Variants in ADGRD1 observed in about 807,000 individuals in gnomAD.
ADGRD1 encodes G-protein coupled receptor 133.
In ADGRD1, 77 loss-of-function variants were observed where a neutral mutation model predicts 113.4. The observed-to-expected ratio is 0.68, with a 90% CI of 0.57 to 0.82. ADGRD1 has a LOEUF of 0.82. Ranked by LOEUF, ADGRD1 falls within the 40% of genes least tolerant of loss-of-function variation. The probability of loss-of-function intolerance (pLI) is 0.00; values close to 1 mark genes in which losing one functional copy is unlikely to be tolerated. For missense variants in ADGRD1, 1,036 were observed against 1,139.1 expected, an observed-to-expected ratio of 0.91 and a Z score of 1.30; for synonymous variants, 474 against 475.0, an observed-to-expected ratio of 1.00 and a Z score of 0.03.
chr12:130,956,364 T>G (rs1360538080), intron 2 of ADGRD1: 1 of 152,250 alleles, frequency 6.6e-6, no homozygotes. Context: ...TTCGTCCACA[T>G]GCATAGGGAG....
Position 131,003,207 on chromosome 12 carries a change from T to G in ADGRD1, c.1049T>G (p.Leu350Arg). 2.5e-6 allele frequency: 4 copies of G among 1,613,914 alleles called. No individual in the cohort carries two copies. Among genetic ancestry groups the G allele is most frequent in the Non-Finnish European group, 3.4e-6 (4 of 1,179,868 alleles). ...CAGGACAGCGCCGTGGTACTGAGTCTCATCGACACTATTGACACCGTCATG... is the reference window on the plus strand; with the variant it reads ...CAGGACAGCGCCGTGGTACTGAGTCGCATCGACACTATTGACACCGTCATG... ...LSEDSAVVLS[L>R]IDTIDTVMGH... is the part of the protein sequence containing the mutation. Residue 350 changes from leucine to arginine, a missense_variant, in exon 10 of 25, where the codon CTC becomes CGC. By Grantham distance (102) the Leu-to-Arg change is moderately radical (BLOSUM62 -2). Transcript: ENST00000261654. This position sits in a 1 kb window ranked among gnomAD's most constrained non-coding sequence, Gnocchi z 4.8.
At chr12:131,069,904 T>C (rs1885019026) in intron 13 of ADGRD1, 1 of 152,222 alleles carries the variant, frequency 6.6e-6, no homozygotes, top group African/African-American at 2.4e-5. Flanking sequence ...TATTATTGCA[T>C]GTATGAAAGA....
At chr12:131,025,195 T>G (rs1879808060) in intron 13 of ADGRD1, among the ~76,000 whole-genome samples, 1 of 152,248 alleles carries the variant, frequency 6.6e-6, no homozygotes, top group South Asian at 2.1e-4. Flanking sequence ...TAAGGAATCC[T>G]GTCTTGAAGA....
chr12:131,118,225 T>C (rs1054518074), intron 18 of ADGRD1, among the ~76,000 whole-genome samples, 160 bp from the exon 19 acceptor site: 2 of 152,072 alleles, frequency 1.3e-5, no homozygotes, highest in African/African-American at 4.8e-5. Flanking sequence ...TCTTTGAGGA[T>C]AGGGGCTGTT....
At chr12:130,975,920 G>A (rs1872251040) in intron 4 of ADGRD1, among the ~76,000 whole-genome samples, 1 of 152,104 alleles carries the variant, frequency 6.6e-6, no homozygotes, top group Non-Finnish European at 1.5e-5. Context: ...CAGCCTCCCC[G>A]ATTAGCCCCT....
At chr12:131,046,203 C>CCCTGGTCAGTGTCCTCCCTGGTCAATGCT (rs1882720729) in intron 13 of ADGRD1, among the ~76,000 whole-genome samples, 1 of 8,554 alleles carries the variant, frequency 1.2e-4, no homozygotes, top group Non-Finnish European at 3.7e-4. Context: ...GGTCAGTGCT[C>CCCTGGTCAGTGTCCTCCCTGGTCAATGCT]CCTCCCTGGT....
intron 13 of ADGRD1, among the ~76,000 whole-genome samples, chr12:131,055,644 T>C (rs1883800638): frequency 1.3e-5 from 2 of 152,230 alleles, no homozygotes; most frequent in African/African-American, 2.4e-5. Context: ...GCTCCAGGCC[T>C]GGGAAAACCT....
intron 9 of ADGRD1, chr12:131,002,644 C>T (rs1876533386): frequency 8.9e-7 from 1 of 1,125,350 alleles, no homozygotes; most frequent in African/African-American, 1.7e-5. Context: ...ATCCTCTGCT[C>T]TGGAACTCAG....
At chr12:131,034,330 C>T (rs11061291) in intron 13 of ADGRD1, among the ~76,000 whole-genome samples, 51,746 of 152,144 alleles carry the variant, frequency 0.34, 10,722 homozygotes, top group South Asian at 0.52. Flanking sequence ...GCTCTTCCCC[C>T]GGGTCCCCGC....
intron 14 of ADGRD1, among the ~76,000 whole-genome samples, chr12:131,077,241 G>C (rs1292528254): frequency 6.6e-6 from 1 of 152,204 alleles, no homozygotes; most frequent in South Asian, 2.1e-4. Context: ...GCTGAGGAAG[G>C]GGGTTGGGGG....
chr12:131,074,227 T>A (rs1210106342), intron 13 of ADGRD1, among the ~76,000 whole-genome samples: 1 of 152,036 alleles, frequency 6.6e-6, no homozygotes, highest in Admixed American at 6.6e-5. Context: ...TCTCAGATCC[T>A]GTGGGAGATA....
chr12:130,979,072 G>C (rs924419102), intron 4 of ADGRD1, among the ~76,000 whole-genome samples: 2 of 152,326 alleles, frequency 1.3e-5, no homozygotes, highest in African/African-American at 4.8e-5. Context: ...AGGTGGGTGT[G>C]GGTGGTGCCA....
At chr12:130,989,562 A>C (rs1030157749) in intron 6 of ADGRD1, 1 of 152,164 alleles carries the variant, frequency 6.6e-6, no homozygotes, top group Non-Finnish European at 1.5e-5. Flanking sequence ...CTGGAACTGA[A>C]ATCCAGTCTG....
intron 2 of ADGRD1, among the ~76,000 whole-genome samples, chr12:130,958,547 A>G (rs1224249977): frequency 6.6e-6 from 1 of 151,884 alleles, no homozygotes; most frequent in Non-Finnish European, 1.5e-5. Flanking sequence ...GGCTCTGCTC[A>G]CCTCGTTTCC....
intron 20 of ADGRD1, among the ~76,000 whole-genome samples, chr12:131,130,845 C>T (rs989783678): frequency 1.3e-5 from 2 of 152,184 alleles, no homozygotes; most frequent in African/African-American, 4.8e-5. Context: ...GCTCTGGCCG[C>T]GCCCAGGCTG....
intron 15 of ADGRD1, among the ~76,000 whole-genome samples, chr12:131,089,566 G>GGGTGCTCACTTCCTGGT (rs1245334335): frequency 1.2e-4 from 18 of 151,514 alleles, no homozygotes; most frequent in Non-Finnish European, 2.4e-4. Context: ...CCCTGCCAGT[G>GGGTGCTCACTTCCTGGT]GGTGCTCACT....
chr12:131,081,825 A>G (rs1478545497), intron 14 of ADGRD1, among the ~76,000 whole-genome samples: 25 of 152,148 alleles, frequency 1.6e-4, no homozygotes, highest in Non-Finnish European at 4.4e-5. Context: ...TCCACTGGCA[A>G]TAGATTCAGT....
rs1566148193 is a variant in ADGRD1, at chr12:131,139,308, C to CG, written c.*45_*46insG. 7.6e-7 allele frequency: 1 copy of CG among 1,313,192 alleles called. No homozygotes were observed. 81.3% of individuals were successfully genotyped at this position (1,313,192 alleles called of 1,614,324 possible). Reference sequence around the variant, plus strand: ...GGCCAGGCTGCGCTCAGAACACACCCCCCCAAACAGAATGAAATGCCCCAC... The same window carrying CG: ...GGCCAGGCTGCGCTCAGAACACACCCGCCCCAAACAGAATGAAATGCCCCAC... On this transcript the variant is annotated 3_prime_UTR_variant, in exon 25 of 25. Coordinates refer to ENST00000261654, the MANE Select transcript of ADGRD1 (RefSeq NM_198827.5).
At chr12:130,959,158 C>G (rs1870054390) in intron 2 of ADGRD1, among the ~76,000 whole-genome samples, 1 of 152,256 alleles carries the variant, frequency 6.6e-6, no homozygotes, top group Non-Finnish European at 1.5e-5. Context: ...CGCCAGCCTA[C>G]TTTCCACCAC....
Sources: allele counts gnomAD v4.1 joint callset (sites outside exome capture counted in the v4.1 genomes callset), GRCh38; gene constraint gnomAD v4.1.1; non-coding constraint Gnocchi (gnomAD v3.1); transcripts MANE v1.5; gene names NCBI Gene and HGNC (gene_info 2026-07-23, HGNC 2026-07-21).